Variants in TOB1 observed in about 807,000 individuals in gnomAD.
TOB1 encodes transducer of ERBB2, 1.
TOB1 carries 2 observed loss-of-function variants against 22.9 expected under a neutral mutation model. The ratio of observed to expected loss-of-function variants is 0.09; its 90% CI spans 0.04 to 0.28. TOB1 has a LOEUF of 0.28. Ranked by LOEUF, TOB1 falls within the 10% of genes least tolerant of loss-of-function variation. The probability of loss-of-function intolerance (pLI) is 1.00; values close to 1 mark genes in which losing one functional copy is unlikely to be tolerated. For synonymous variants in TOB1, 154 were observed against 150.6 expected, an observed-to-expected ratio of 1.02 and a Z score of -0.17; for missense variants, 299 against 420.5, an observed-to-expected ratio of 0.71 and a Z score of 2.53.
chr17:50,862,946 T>A lies in TOB1; in HGVS notation c.*34A>T. ...AAAAAAAAAATCCCCCTTGGGCCCGTGCATTTTAACTTGTACGATACATTT... is the reference window on the plus strand; with the variant it reads ...AAAAAAAAAATCCCCCTTGGGCCCGAGCATTTTAACTTGTACGATACATTT... On this transcript the variant is annotated 3_prime_UTR_variant, in exon 2 of 2. Transcript: ENST00000499247. 2 of 1,542,322 alleles carry A rather than the reference T, an allele frequency of 1.3e-6. No homozygotes were observed. The highest frequency in any genetic ancestry group is 1.7e-6 in the Non-Finnish European group (2 of 1,147,082).
upstream of TOB1, chr17:50,867,115 C>T (rs1972324683): frequency 6.6e-6 from 1 of 152,346 alleles, no homozygotes; most frequent in East Asian, 1.9e-4. Context: ...GCTTCCGCAG[C>T]CTCAGGCCTC....
At chr17:50,864,259 A>G in intron 1 of TOB1, 96 bp from the exon 2 acceptor site, 1 of 650,324 alleles carries the variant, frequency 1.5e-6, no homozygotes, top group Non-Finnish European at 2.2e-6. Flanking sequence ...CAAAATGTCT[A>G]AGATCCTGTG....
Position 50,862,783 on chromosome 17 carries a change from T to C in TOB1, c.*197A>G. 1.4e-6 allele frequency: 1 copy of C among 697,182 alleles called. No individual in the cohort carries two copies. The highest frequency in any genetic ancestry group is 2.1e-6 in the Non-Finnish European group (1 of 466,910). The allele number at this position is 697,182 out of a possible 1,614,324, so 43.2% of individuals were successfully genotyped here. A position where few individuals can be genotyped will look rare whatever the true frequency, so the allele number is the denominator to read the frequency against. ...AGAGGCCATATCTGAGAGTATACTTTAAAATATACAGTCAGTATAAAATAA... is the reference window on the plus strand; with the variant it reads ...AGAGGCCATATCTGAGAGTATACTTCAAAATATACAGTCAGTATAAAATAA... On this transcript the variant is annotated 3_prime_UTR_variant, in exon 2 of 2. Transcript: ENST00000499247.
upstream of TOB1, chr17:50,867,384 T>C (rs1487880548): frequency 6.6e-6 from 1 of 152,212 alleles, no homozygotes; most frequent in Non-Finnish European, 1.5e-5. Flanking sequence ...AGAGAGGGAC[T>C]CGTGGTGGGG....
chr17:50,862,869 G>A lies in TOB1; in HGVS notation c.*111C>T, dbSNP rs1972233958. On this transcript the variant is annotated 3_prime_UTR_variant, in exon 2 of 2. Coordinates refer to ENST00000499247, the MANE Select transcript of TOB1 (RefSeq NM_005749.4). ...GTTTTATTATTATTTTTTTAACCAAGCTTGAATGTATCCTTACTATAAGCT... is the reference window on the plus strand; with the variant it reads ...GTTTTATTATTATTTTTTTAACCAAACTTGAATGTATCCTTACTATAAGCT... The A allele has an allele frequency of 7.3e-7, 1 of 1,365,546 alleles. No homozygotes were observed. The highest frequency in any genetic ancestry group is 9.6e-7 in the Non-Finnish European group (1 of 1,037,064). The allele number at this position is 1,365,546 out of a possible 1,614,324, so 84.6% of individuals were successfully genotyped here.
chr17:50,867,018 G>A (rs1324186634), upstream of TOB1: 1 of 152,346 alleles, frequency 6.6e-6, no homozygotes. Context: ...CCCAGAGAGT[G>A]GCAGCTGCAG....
At chr17:50,865,591 A>G (rs1972286548) in intron 1 of TOB1, among the ~76,000 whole-genome samples, 1 of 152,032 alleles carries the variant, frequency 6.6e-6, no homozygotes, top group Non-Finnish European at 1.5e-5. Flanking sequence ...CCCAGCACCG[A>G]GCAGGTCGGG....
chr17:50,866,601 C>T (rs1051354923), upstream of TOB1: 2 of 152,424 alleles, frequency 1.3e-5, no homozygotes, highest in African/African-American at 4.8e-5. Context: ...AAGCCGCACC[C>T]TCCGGGCTCC....
In TOB1 at chr17:50,866,112, C is replaced by G. The variant is rs1972300707; in HGVS notation, c.-201G>C. ...ACCCGCGGCTGGGCGGGGAGCAGCG[C>G]GGCAGGGCGGGGGCGCGGGAGGGTC... On this transcript the variant is annotated 5_prime_UTR_variant, in exon 1 of 2. Coordinates refer to ENST00000499247, the MANE Select transcript of TOB1 (RefSeq NM_005749.4). 1 of 152,320 alleles carries G rather than the reference C, an allele frequency of 6.6e-6. No homozygotes were observed. The highest frequency in any genetic ancestry group is 1.5e-5 in the Non-Finnish European group (1 of 68,280). The allele number at this position is 152,320 out of a possible 1,614,324, so 9.4% of individuals were successfully genotyped here. A position where few individuals can be genotyped will look rare whatever the true frequency, so the allele number is the denominator to read the frequency against.
chr17:50,867,118 C>CAG (rs1972324749), upstream of TOB1: 1 of 152,472 alleles, frequency 6.6e-6, no homozygotes, highest in African/African-American at 2.4e-5. Flanking sequence ...TCCGCAGCCT[C>CAG]AGGCCTCCCG....
upstream of TOB1, chr17:50,866,628 C>G (rs1463889566): frequency 6.6e-6 from 1 of 152,350 alleles, no homozygotes; most frequent in Non-Finnish European, 1.5e-5. Context: ...GCCAATGAAC[C>G]GACGATCGGA....
chr17:50,864,786 T>C (rs1182719975), intron 1 of TOB1, among the ~76,000 whole-genome samples: 1 of 152,238 alleles, frequency 6.6e-6, no homozygotes, highest in Admixed American at 6.5e-5. Context: ...TCTATATAGT[T>C]TCGGCCTTAA....
Position 50,864,124 on chromosome 17 carries a change from G to A in TOB1, c.-107C>T, listed in dbSNP as rs1972262565. ...GAAACAAATTTTCATTCAAAGTGCT[G>A]GTATTAGTAGATTATCCTTCACCTT... On this transcript the variant is annotated 5_prime_UTR_variant, in exon 2 of 2. Transcript: ENST00000499247. 3 of 1,394,460 alleles carry A rather than the reference G, an allele frequency of 2.2e-6. No individual in the cohort carries two copies. The Admixed American group carries it at 9.6e-5, about 45-fold the overall frequency. 86.4% of individuals were successfully genotyped at this position (1,394,460 alleles called of 1,614,324 possible). A position where few individuals can be genotyped will look rare whatever the true frequency, so the allele number is the denominator to read the frequency against.
chr17:50,863,497 G>A lies in TOB1; in HGVS notation c.521C>T (p.Pro174Leu), dbSNP rs758408408. Residue 174 changes from proline (P) to leucine (L), a missense_variant, in exon 2 of 2, where the codon CCT (proline) becomes CTT (leucine). Transcript: ENST00000499247. Reference protein sequence around the residue: ...SPTFMPRSTQPLTFTTATFAA... With the variant: ...SPTFMPRSTQLLTFTTATFAA... ...AAAAGTGGCAGTGGTAAAGGTTAAA[G>A]GCTGAGTGGACCGGGGCATGAAGGT... 8 of 1,614,080 alleles carry A rather than the reference G, an allele frequency of 5.0e-6. No homozygotes were observed. In the African/African-American group the frequency reaches 1.1e-4, roughly 22 times the overall value.
intron 1 of TOB1, among the ~76,000 whole-genome samples, chr17:50,865,802 C>T (rs1247571329): frequency 6.6e-6 from 1 of 152,014 alleles, no homozygotes; most frequent in African/African-American, 2.4e-5. Flanking sequence ...GCACCCCAAC[C>T]CCCCAATTCC....
chr17:50,865,470 A>T (rs1333947931), intron 1 of TOB1, among the ~76,000 whole-genome samples: 1 of 152,116 alleles, frequency 6.6e-6, no homozygotes, highest in Non-Finnish European at 1.5e-5. Context: ...GCGCTACAGC[A>T]GCAGCAACAG....
At chr17:50,865,532 G>A (rs1322969044) in intron 1 of TOB1, among the ~76,000 whole-genome samples, 1 of 152,170 alleles carries the variant, frequency 6.6e-6, no homozygotes, top group Non-Finnish European at 1.5e-5. Flanking sequence ...CCTCGGAGAA[G>A]GAGGAGGAAG....
Position 50,863,115 on chromosome 17 carries a change from G to A in TOB1, c.903C>T (p.Leu301=). The A allele has an allele frequency of 6.2e-7, 1 of 1,614,204 alleles. No individual in the cohort carries two copies. Among genetic ancestry groups the A allele is most frequent in the Non-Finnish European group, 8.5e-7 (1 of 1,180,028 alleles). ...ACACATCAAAGGCATTACTGTACTG[G>A]AGAGGACTGAGGTTAAGGGGGCTGT... ...PGDSPLNLSP[L]QYSNAFDVFA... The change falls in exon 2 of 2, where the codon CTC becomes CTT. Residue 301 remains leucine, a synonymous_variant. Transcript: ENST00000499247.
chr17:50,863,115 G>C lies in TOB1; in HGVS notation c.903C>G (p.Leu301=), dbSNP rs1359653343. 1.2e-6 allele frequency: 2 copies of C among 1,614,204 alleles called. No homozygotes were observed. Among genetic ancestry groups the C allele is most frequent in the Non-Finnish European group, 1.7e-6 (2 of 1,180,028 alleles). ...ACACATCAAAGGCATTACTGTACTG[G>C]AGAGGACTGAGGTTAAGGGGGCTGT... ...PGDSPLNLSP[L]QYSNAFDVFA... Residue 301 remains leucine (L), a synonymous_variant, in exon 2 of 2, where the codon CTC becomes CTG. Transcript: ENST00000499247.
Sources: allele counts gnomAD v4.1 joint callset (sites outside exome capture counted in the v4.1 genomes callset), GRCh38; gene constraint gnomAD v4.1.1; transcripts MANE v1.5; gene names NCBI Gene and HGNC (gene_info 2026-07-23, HGNC 2026-07-21).